The following RC3H1 variants were observed in gnomAD, a reference collection of about 807,000 sequenced individuals.
RC3H1 encodes roquin-1.
A neutral mutation model predicts 138.2 loss-of-function variants in RC3H1; 50 were observed. The ratio of observed to expected loss-of-function variants is 0.36; its 90% CI spans 0.29 to 0.46. The LOEUF (loss-of-function observed/expected upper bound fraction) is 0.46. Among genes scored for constraint, RC3H1 ranks in the 20% least tolerant of loss-of-function variants. The probability of loss-of-function intolerance (pLI) is 1.00; values close to 1 mark genes in which losing one functional copy is unlikely to be tolerated. For missense variants in RC3H1, 1,031 were observed against 1,388.1 expected (o/e 0.74, Z 4.09); for synonymous variants, 462 against 489.1 (o/e 0.94, Z 0.73).
chr1:173,942,023 G>A (rs958426261), intron 18 of RC3H1, among the ~76,000 whole-genome samples: 5 of 150,334 alleles, frequency 3.3e-5, no homozygotes, highest in African/African-American at 1.2e-4. Context: ...CGTATCACCC[G>A]AGGTCAGGAG....
Position 173,941,296 on chromosome 1 carries a change from C to T in RC3H1, c.3220G>A (p.Val1074Ile). ...ENGQPEPQNK[V>I]PAEDLTLTFS... ...GTCAATGTAAGGTCCTCAGCCGGAA[C>T]CTTGTTTTGTGGTTCTGGTTGTCCA... The change falls in exon 19 of 20, where the codon GTT becomes ATT. Residue 1074 changes from valine (V) to isoleucine (I), a missense_variant. Around this residue, in one of 7 missense-constraint regions of RC3H1, gnomAD observed 716 missense variants for 837.9 expected, o/e 0.85. Coordinates refer to ENST00000367696, the MANE Select transcript of RC3H1 (RefSeq NM_172071.4). 2.5e-6 allele frequency: 4 copies of T among 1,613,738 alleles called. No homozygotes were observed. The highest frequency in any genetic ancestry group is 3.4e-6 in the Non-Finnish European group (4 of 1,179,766).
rs1261472079 is a variant in RC3H1, at chr1:173,972,639, A to G, written c.1103-12T>C. On this transcript the variant is annotated splice_polypyrimidine_tract_variant and intron_variant, in intron 7 of 19. Transcript: ENST00000367696. The stretch of plus-strand genomic sequence containing the variant: ...AGGAGGAGGAGCATCTATACAACCA[A>G]TGATAATGTTTTAAACTCTAATGTT... 6.5e-7 allele frequency: 1 copy of G among 1,549,994 alleles called. No homozygotes were observed. The highest frequency in any genetic ancestry group is 8.9e-7 in the Non-Finnish European group (1 of 1,121,722).
chr1:173,966,899 T>G (rs1197796794), intron 9 of RC3H1, among the ~76,000 whole-genome samples: 1 of 152,204 alleles, frequency 6.6e-6, no homozygotes. Flanking sequence ...TACATTAGCT[T>G]TATATTCATA....
At position 173,943,359 on chromosome 1, in the gene RC3H1, T is replaced by C. The variant is rs1000863035; in HGVS notation, c.3135+83A>G. On this transcript the variant is annotated intron_variant, in intron 18 of 19. Transcript: ENST00000367696. ...CACTCATCAGAGTGCCTTGAAGTGA[T>C]GATTCTGTGCCTCTAGATAATTCTA... 36 of 1,391,620 alleles carry C rather than the reference T, an allele frequency of 2.6e-5. No individual in the cohort carries two copies. In the African/African-American group the frequency reaches 4.6e-4, roughly 18 times the overall value. 86.2% of individuals were successfully genotyped at this position (1,391,620 alleles called of 1,614,324 possible). A position where few individuals can be genotyped will look rare whatever the true frequency, so the allele number is the denominator to read the frequency against.
chr1:174,021,400 C>T (rs965856479), intron 1 of RC3H1, among the ~76,000 whole-genome samples: 1 of 152,128 alleles, frequency 6.6e-6, no homozygotes, highest in Admixed American at 6.5e-5. Context: ...AGAACTGATA[C>T]TTAGAGATGT....
intron 18 of RC3H1, among the ~76,000 whole-genome samples, chr1:173,942,209 A>C (rs893802228): frequency 1.2e-4 from 18 of 150,816 alleles, no homozygotes; most frequent in African/African-American, 4.4e-4. Context: ...GCCACTGCAC[A>C]CCAGCCTGGG....
intron 1 of RC3H1, among the ~76,000 whole-genome samples, chr1:174,013,931 C>CCTAAA (rs1303835857): frequency 6.6e-6 from 1 of 151,928 alleles, no homozygotes; most frequent in African/African-American, 2.4e-5. Context: ...GACGAAGAGA[C>CCTAAA]CTAAATGCAT....
In RC3H1 at chr1:173,938,866, A is replaced by G; in HGVS notation, c.3257T>C (p.Val1086Ala). ...AEDLTLTFSD[V>A]PNGSALTQEN... ...TTGTGTCAAGGCTGATCCATTTGGT[A>G]CATCACTGCTGACATTTTAAAATTT... Residue 1086 changes from valine to alanine, a missense_variant, in exon 20 of 20, where the codon GTA becomes GCA. Val to Ala is a moderately conservative substitution (Grantham distance 64). This residue lies in a region of RC3H1 where 716 missense variants were observed against 837.9 expected (regional missense o/e 0.85). Transcript: ENST00000367696. 6.2e-7 allele frequency: 1 copy of G among 1,601,642 alleles called. No homozygotes were observed. Among genetic ancestry groups the G allele is most frequent in the Non-Finnish European group, 8.5e-7 (1 of 1,175,094 alleles).
intron 17 of RC3H1, among the ~76,000 whole-genome samples, chr1:173,944,442 T>A (rs565121431): frequency 2.0e-5 from 3 of 152,138 alleles, no homozygotes; most frequent in Non-Finnish European, 2.9e-5. Context: ...AGCGGAGGGA[T>A]AGCATTAGGA....
chr1:173,974,988 C>A (rs1382103188), intron 7 of RC3H1, among the ~76,000 whole-genome samples: 1 of 152,124 alleles, frequency 6.6e-6, no homozygotes, highest in African/African-American at 2.4e-5. Flanking sequence ...TTGGACTAAG[C>A]AACTGGAATG....
intron 6 of RC3H1, among the ~76,000 whole-genome samples, chr1:173,979,957 AC>A (rs1366168780): frequency 1.3e-5 from 2 of 151,778 alleles, no homozygotes. Flanking sequence ...AGCTCACTGC[AC>A]CCTCAAACTC....
chr1:173,942,614 C>T (rs1034145445), intron 18 of RC3H1, among the ~76,000 whole-genome samples: 12 of 151,554 alleles, frequency 7.9e-5, no homozygotes, highest in African/African-American at 2.9e-4. Context: ...GGGCGGATCA[C>T]GAGGTCAGGA....
intron 17 of RC3H1, among the ~76,000 whole-genome samples, chr1:173,944,045 G>A (rs1659025475): frequency 6.6e-6 from 1 of 151,800 alleles, no homozygotes; most frequent in Admixed American, 6.6e-5. Flanking sequence ...ATGGTGGTGT[G>A]GGCCCGTAGT....
intron 1 of RC3H1, among the ~76,000 whole-genome samples, chr1:174,012,022 G>A (rs902093709): frequency 6.6e-6 from 1 of 152,058 alleles, no homozygotes; most frequent in African/African-American, 2.4e-5. Context: ...ACCAGCCTGG[G>A]CAACACGGCA....
At chr1:173,976,390 T>G (rs1439894166) in intron 7 of RC3H1, among the ~76,000 whole-genome samples, 1 of 151,762 alleles carries the variant, frequency 6.6e-6, no homozygotes, top group African/African-American at 2.4e-5. Context: ...CAGGCAGAGG[T>G]TGCAGTGAAC....
intron 14 of RC3H1, among the ~76,000 whole-genome samples, chr1:173,950,283 T>C (rs1430740088): frequency 1.3e-5 from 2 of 151,916 alleles, no homozygotes; most frequent in Non-Finnish European, 1.5e-5. Context: ...TTAGGAATAG[T>C]ATAAAATTAT....
Position 173,992,815 on chromosome 1 carries a change from G to C in RC3H1, c.171C>G (p.Ile57Met). The C allele has an allele frequency of 6.2e-7, 1 of 1,614,154 alleles. No homozygotes were observed. The change falls in exon 2 of 20, where the codon ATC (isoleucine) becomes ATG (methionine). Residue 57 changes from isoleucine to methionine, a missense_variant. Ile to Met is a conservative substitution (Grantham distance 10). This residue lies in a region of RC3H1 where 80 missense variants were observed against 81.1 expected (regional missense o/e 0.99). Transcript: ENST00000367696. ...RKACPFDQTT[I>M]NTDIELLPVN... The stretch of plus-strand genomic sequence containing the variant: ...CAGGGAGGAGCTCAATGTCTGTATT[G>C]ATAGTGGTCTGGTCAAATGGGCAAG...
Position 173,961,228 on chromosome 1 carries a change from C to T in RC3H1, c.2219G>A (p.Arg740Gln), listed in dbSNP as rs140937934. Residue 740 changes from arginine (R) to glutamine (Q), a missense_variant, in exon 13 of 20, where the codon CGG becomes CAG. Around this residue, in one of 7 missense-constraint regions of RC3H1, gnomAD observed 716 missense variants for 837.9 expected, o/e 0.85. Transcript: ENST00000367696. ...ATGAGGCTGGGGAGGAGGAGGAAGC[C>T]GGCTATAAGGAGGTTCCTAAAAATA... is the stretch of plus-strand genomic sequence containing the variant. ...PSYLREPPYS[R>Q]LPPPPQPHPS... 78 of 1,611,962 alleles carry T rather than the reference C, an allele frequency of 4.8e-5. No individual in the cohort carries two copies. Among genetic ancestry groups the T allele is most frequent in the African/African-American group, 6.7e-5 (5 of 74,822 alleles).
intron 1 of RC3H1, among the ~76,000 whole-genome samples, chr1:174,010,382 C>G (rs1235733530): frequency 6.6e-6 from 1 of 150,878 alleles, no homozygotes; most frequent in Non-Finnish European, 1.5e-5. Context: ...ATACAGAATA[C>G]AGTCTTATCA....
Sources: gnomAD v4.1 joint callset for allele counts (sites outside exome capture counted in the v4.1 genomes callset) on GRCh38, gnomAD v4.1.1 for gene constraint, gnomAD v4.1.1 regional missense constraint, MANE v1.5 for transcripts, NCBI Gene and HGNC (gene_info 2026-07-23, HGNC 2026-07-21) for gene names.